The following DRC11 variants were observed in gnomAD, a reference collection of about 807,000 sequenced individuals.
The protein encoded by DRC11 is dynein regulatory complex subunit 11.
the DRC11 span, among the ~76,000 whole-genome samples, chr2:236,491,614 C>G: frequency 6.6e-5 from 10 of 152,086 alleles, no homozygotes; most frequent in African/African-American, 1.4e-4. Context: ...TTCTGCAGTG[C>G]TCATCACTGC....
chr2:236,405,266 T>C, the DRC11 span, among the ~76,000 whole-genome samples: 2 of 152,020 alleles, frequency 1.3e-5, no homozygotes, highest in East Asian at 1.9e-4. The surrounding 1 kb of genome is among the most constrained non-coding windows in gnomAD (Gnocchi z 4.6). Flanking sequence ...GAACAAATAA[T>C]GAACAGGTGG....
chr2:236,446,921 C>G, the DRC11 span, among the ~76,000 whole-genome samples: 4 of 147,840 alleles, frequency 2.7e-5, no homozygotes, highest in Non-Finnish European at 5.9e-5. The surrounding 1 kb of genome is among the most constrained non-coding windows in gnomAD (Gnocchi z 6.2). Flanking sequence ...GGCGTGGGGT[C>G]TCTTGGGCCC....
At chr2:236,484,790 T>C in the DRC11 span, among the ~76,000 whole-genome samples, 1 of 152,312 alleles carries the variant, frequency 6.6e-6, no homozygotes, top group Admixed American at 6.5e-5. Context: ...TTTTCTTTCG[T>C]TAGCATGGAT....
chr2:236,306,693 C>T, the DRC11 span, among the ~76,000 whole-genome samples: 4 of 152,180 alleles, frequency 2.6e-5, no homozygotes, highest in African/African-American at 9.6e-5. The surrounding 1 kb of genome is among the most constrained non-coding windows in gnomAD (Gnocchi z 5.9). Context: ...AATTCATGGA[C>T]AAACACATTT....
At chr2:236,459,626 TAC>T in the DRC11 span, among the ~76,000 whole-genome samples, 1 of 135,794 alleles carries the variant, frequency 7.4e-6, no homozygotes, top group Admixed American at 7.2e-5. Flanking sequence ...AGTATATACA[TAC>T]GTATATACGT....
the DRC11 span, among the ~76,000 whole-genome samples, chr2:236,393,897 G>A: frequency 6.6e-6 from 1 of 152,112 alleles, no homozygotes. The surrounding 1 kb of genome is among the most constrained non-coding windows in gnomAD (Gnocchi z 4.7). Flanking sequence ...CCTTAGCAGG[G>A]GATAGCCTTT....
At chr2:236,481,722 A>C in the DRC11 span, among the ~76,000 whole-genome samples, 2 of 152,098 alleles carry the variant, frequency 1.3e-5, no homozygotes, top group Admixed American at 1.3e-4. Context: ...ACATTAAAAC[A>C]TCAGCTTTAT....
At chr2:236,464,727 T>C in the DRC11 span, among the ~76,000 whole-genome samples, 1 of 152,090 alleles carries the variant, frequency 6.6e-6, no homozygotes, top group African/African-American at 2.4e-5. Flanking sequence ...GTGGGAGGTG[T>C]CTGGGTCATG....
the DRC11 span, among the ~76,000 whole-genome samples, chr2:236,416,715 A>ATATTTT: frequency 1.4e-5 from 1 of 69,514 alleles, no homozygotes; most frequent in Non-Finnish European, 2.8e-5. Context: ...TTACATATAT[A>ATATTTT]TATATTTATA....
chr2:236,494,541 A>G, the DRC11 span, among the ~76,000 whole-genome samples: 1 of 152,224 alleles, frequency 6.6e-6, no homozygotes, highest in Non-Finnish European at 1.5e-5. This position sits in a 1 kb window ranked among gnomAD's most constrained non-coding sequence, Gnocchi z 4.2. Context: ...GGATATGGGT[A>G]TGCCCTTGGC....
At chr2:236,380,464 A>T in the DRC11 span, 7 of 848,806 alleles carry the variant, frequency 8.2e-6, no homozygotes, top group African/African-American at 1.2e-4. This position sits in a 1 kb window ranked among gnomAD's most constrained non-coding sequence, Gnocchi z 4.9. Flanking sequence ...GGGACTGTGG[A>T]GGATGAAGAG....
At chr2:236,491,285 A>ATATATATATAT in the DRC11 span, among the ~76,000 whole-genome samples, 1 of 135,052 alleles carries the variant, frequency 7.4e-6, no homozygotes, top group Non-Finnish European at 1.6e-5. Flanking sequence ...CACAGTATAT[A>ATATATATATAT]AGCAGCTTAA....
chr2:236,487,664 T>C, the DRC11 span, among the ~76,000 whole-genome samples: 6 of 152,236 alleles, frequency 3.9e-5, no homozygotes, highest in Non-Finnish European at 8.8e-5. Flanking sequence ...TCTGTAATTA[T>C]ATATCTGTGT....
chr2:236,434,068 T>A, the DRC11 span, among the ~76,000 whole-genome samples: 4 of 152,226 alleles, frequency 2.6e-5, no homozygotes, highest in Non-Finnish European at 5.9e-5. The surrounding 1 kb of genome is among the most constrained non-coding windows in gnomAD (Gnocchi z 5.5). Context: ...TTCATAGACA[T>A]CCTTAACCCA....
At chr2:236,426,204 A>G in the DRC11 span, among the ~76,000 whole-genome samples, 1 of 152,058 alleles carries the variant, frequency 6.6e-6, no homozygotes, top group African/African-American at 2.4e-5. This position sits in a 1 kb window ranked among gnomAD's most constrained non-coding sequence, Gnocchi z 4.1. Context: ...CATTACACTG[A>G]ATCTATAGAT....
At chr2:236,504,863 A>C in the DRC11 span, among the ~76,000 whole-genome samples, 2 of 152,138 alleles carry the variant, frequency 1.3e-5, no homozygotes, top group Non-Finnish European at 2.9e-5. This position sits in a 1 kb window ranked among gnomAD's most constrained non-coding sequence, Gnocchi z 5.0. Flanking sequence ...GGCATGTTTG[A>C]CTTCACCTGC....
At chr2:236,465,467 G>T in the DRC11 span, 1 of 1,551,958 alleles carries the variant, frequency 6.4e-7, no homozygotes. This position sits in a 1 kb window ranked among gnomAD's most constrained non-coding sequence, Gnocchi z 6.2. Flanking sequence ...AGCCACTAAA[G>T]AACAGACTGG....
the DRC11 span, among the ~76,000 whole-genome samples, chr2:236,467,802 AC>A: frequency 2.0e-5 from 3 of 152,220 alleles, no homozygotes; most frequent in African/African-American, 4.8e-5. Flanking sequence ...TTGGAAAAAA[AC>A]ATTATCTTAA....
the DRC11 span, among the ~76,000 whole-genome samples, chr2:236,421,628 G>T: frequency 6.6e-6 from 1 of 152,128 alleles, no homozygotes; most frequent in Non-Finnish European, 1.5e-5. Flanking sequence ...TTCTACCAGA[G>T]GTACAAGGAG....
Sources: gnomAD v4.1 joint callset for allele counts (sites outside exome capture counted in the v4.1 genomes callset) on GRCh38, gnomAD v4.1.1 for gene constraint, Gnocchi (gnomAD v3.1) non-coding constraint, MANE v1.5 for transcripts, NCBI Gene and HGNC (gene_info 2026-07-23, HGNC 2026-07-21) for gene names.